DAB1: variants seen among roughly 807,000 people sequenced by gnomAD.
DAB1 encodes DAB adaptor protein 1.
A neutral mutation model predicts 64.6 loss-of-function variants in DAB1; 15 were observed. The observed-to-expected ratio is 0.23, with a 90% CI of 0.16 to 0.36. DAB1 has a LOEUF of 0.36. Ranked by LOEUF, DAB1 falls within the 10% of genes least tolerant of loss-of-function variation. The pLI, the probability that DAB1 is intolerant of heterozygous loss-of-function variation, is 1.00. For missense variants in DAB1, 596 were observed against 706.7 expected (o/e 0.84, Z 1.78); for synonymous variants, 235 against 251.9 (o/e 0.93, Z 0.64).
At chr1:58,152,929 T>C (rs776892783) in intron 4 of DAB1, among the ~76,000 whole-genome samples, 9 of 152,194 alleles carry the variant, frequency 5.9e-5, no homozygotes, top group African/African-American at 9.7e-5. Flanking sequence ...TGACAGAGAA[T>C]GAACTTGAAA....
intron 7 of DAB1, among the ~76,000 whole-genome samples, chr1:57,473,606 A>T (rs1643894880): frequency 6.6e-6 from 1 of 152,244 alleles, no homozygotes; most frequent in Non-Finnish European, 1.5e-5. Flanking sequence ...GTTGCCTGAC[A>T]TACATGAAGC....
At chr1:57,124,844 C>T (rs927611568) in intron 4 of DAB1, among the ~76,000 whole-genome samples, 3 of 152,098 alleles carry the variant, frequency 2.0e-5, no homozygotes, top group African/African-American at 7.2e-5. Context: ...TGATTTTGTG[C>T]TCATCAGACA....
At chr1:57,443,232 G>C (rs1451662508) in intron 7 of DAB1, among the ~76,000 whole-genome samples, 1 of 152,156 alleles carries the variant, frequency 6.6e-6, no homozygotes, top group Non-Finnish European at 1.5e-5. Context: ...TGTAGTTCCT[G>C]GTTGTGTGCC....
chr1:57,546,806 T>A (rs896381966), intron 7 of DAB1, among the ~76,000 whole-genome samples: 1 of 152,146 alleles, frequency 6.6e-6, no homozygotes, highest in African/African-American at 2.4e-5. Context: ...TAAGAACCCA[T>A]TTCTCAGAGC....
intron 4 of DAB1, among the ~76,000 whole-genome samples, chr1:58,268,435 T>A (rs975597376): frequency 2.0e-5 from 3 of 152,150 alleles, no homozygotes; most frequent in Admixed American, 2.0e-4. Flanking sequence ...ACTTGGGCAG[T>A]TAAGTGATTT....
intron 6 of DAB1, among the ~76,000 whole-genome samples, chr1:57,798,968 T>C (rs913740926): frequency 6.6e-6 from 1 of 152,220 alleles, no homozygotes; most frequent in African/African-American, 2.4e-5. Context: ...CCAGCTGTCA[T>C]GCAAGAAAAT....
chr1:57,003,694 T>C (rs1184506000), intron 14 of DAB1, among the ~76,000 whole-genome samples: 1 of 152,130 alleles, frequency 6.6e-6, no homozygotes, highest in Non-Finnish European at 1.5e-5. Flanking sequence ...TAACTCCCCA[T>C]TCATTCCCCA....
intron 3 of DAB1, among the ~76,000 whole-genome samples, chr1:58,403,129 C>T (rs1014228789): frequency 3.3e-5 from 5 of 152,106 alleles, no homozygotes; most frequent in Non-Finnish European, 7.4e-5. Flanking sequence ...ACTTATAGAA[C>T]AAACTTTTAG....
intron 7 of DAB1, among the ~76,000 whole-genome samples, chr1:57,441,890 T>G (rs572951093): frequency 6.6e-6 from 1 of 152,342 alleles, no homozygotes; most frequent in African/African-American, 2.4e-5. Context: ...CTGAACTAAC[T>G]TATATTCCCA....
At chr1:57,433,423 A>G (rs542267961) in intron 7 of DAB1, among the ~76,000 whole-genome samples, 2 of 152,268 alleles carry the variant, frequency 1.3e-5, no homozygotes, top group Non-Finnish European at 2.9e-5. Context: ...AAAAGTGACA[A>G]TGCAGTTCAT....
intron 2 of DAB1, among the ~76,000 whole-genome samples, chr1:57,214,612 C>G (rs901376133): frequency 7.2e-5 from 11 of 151,998 alleles, no homozygotes; most frequent in African/African-American, 2.7e-4. Context: ...TCTGTTTCAC[C>G]TTAGAAAAAC....
intron 4 of DAB1, among the ~76,000 whole-genome samples, chr1:57,133,312 A>G (rs758772354): frequency 3.3e-5 from 5 of 152,216 alleles, no homozygotes; most frequent in Non-Finnish European, 5.9e-5. Context: ...ATGGATTAAC[A>G]TGGTGAATGG....
At chr1:57,141,958 A>C (rs1658625601) in intron 3 of DAB1, among the ~76,000 whole-genome samples, 1 of 152,214 alleles carries the variant, frequency 6.6e-6, no homozygotes, top group African/African-American at 2.4e-5. Flanking sequence ...GATTAAATGA[A>C]GGCTATGAGG....
At chr1:58,056,419 A>G (rs1237943233) in intron 5 of DAB1, 1 of 1,561,498 alleles carries the variant, frequency 6.4e-7, no homozygotes, top group Non-Finnish European at 8.7e-7. Context: ...AGTGCAGCGA[A>G]TAGGCTGCAC....
chr1:58,411,546 C>T (rs568882742), intron 3 of DAB1, among the ~76,000 whole-genome samples: 1 of 152,118 alleles, frequency 6.6e-6, no homozygotes, highest in African/African-American at 2.4e-5. Context: ...GCAGTGACCT[C>T]TAAGTGAGAC....
intron 4 of DAB1, among the ~76,000 whole-genome samples, chr1:57,115,273 T>C (rs772128400): frequency 7.9e-5 from 12 of 152,294 alleles, no homozygotes; most frequent in Middle Eastern, 3.4e-3. Context: ...AAGTTACCTA[T>C]CACCACCAAG....
At chr1:57,568,680 C>G (rs1466419623) in intron 7 of DAB1, among the ~76,000 whole-genome samples, 1 of 152,130 alleles carries the variant, frequency 6.6e-6, no homozygotes, top group Non-Finnish European at 1.5e-5. Context: ...GAAAAAAATG[C>G]TCATCATCAC....
intron 6 of DAB1, among the ~76,000 whole-genome samples, chr1:57,687,611 A>G (rs915003396): frequency 6.7e-6 from 1 of 149,388 alleles, no homozygotes; most frequent in Non-Finnish European, 1.5e-5. Flanking sequence ...AAAAAAAAAA[A>G]AAAAAAAAGA....
intron 1 of DAB1, among the ~76,000 whole-genome samples, chr1:57,315,748 C>T (rs1327372079): frequency 2.0e-5 from 3 of 152,248 alleles, no homozygotes; most frequent in African/African-American, 7.2e-5. Context: ...GTGATCCGCC[C>T]GCCTTGGCTT....
Sources: allele counts gnomAD v4.1 joint callset (sites outside exome capture counted in the v4.1 genomes callset), GRCh38; gene constraint gnomAD v4.1.1; transcripts MANE v1.5; gene names NCBI Gene and HGNC (gene_info 2026-07-23, HGNC 2026-07-21).